The following NFASC variants were observed in gnomAD, a reference collection of about 807,000 sequenced individuals.
The protein encoded by NFASC is neurofascin homolog.
Under a neutral mutation model 147.5 loss-of-function variants are expected in NFASC, and 43 were observed. The observed-to-expected ratio is 0.29, with a 90% CI of 0.23 to 0.38. The LOEUF is 0.38. Among genes scored for constraint, NFASC ranks in the 10% least tolerant of loss-of-function variants. The pLI is 1.00. For missense variants in NFASC, 1,320 were observed against 1,689.0 expected (o/e 0.78, Z 3.83); for synonymous variants, 622 against 665.5 (o/e 0.93, Z 1.01).
At chr1:204,862,312 A>G (rs1440401462) in intron 1 of NFASC, among the ~76,000 whole-genome samples, 1 of 152,248 alleles carries the variant, frequency 6.6e-6, no homozygotes, top group South Asian at 2.1e-4. Flanking sequence ...TAGGCTTGAA[A>G]GCAGTTCCAA....
chr1:204,873,545 G>T (rs1389640933), intron 1 of NFASC, among the ~76,000 whole-genome samples: 1 of 152,200 alleles, frequency 6.6e-6, no homozygotes, highest in Non-Finnish European at 1.5e-5. Context: ...GCTTCTGCTG[G>T]GGCCTCTGTT....
chr1:204,866,328 G>A (rs2077104756), intron 1 of NFASC, among the ~76,000 whole-genome samples: 1 of 152,206 alleles, frequency 6.6e-6, no homozygotes, highest in South Asian at 2.1e-4. Context: ...AGGAAAAATG[G>A]TAACTGGATG....
intron 20 of NFASC, 68 bp downstream of exon 20, chr1:204,980,508 T>C (rs2150442852): frequency 8.5e-7 from 1 of 1,175,394 alleles, no homozygotes; most frequent in Non-Finnish European, 1.2e-6. Flanking sequence ...CCCTCTCCCT[T>C]GATGCCCCGA....
intron 2 of NFASC, among the ~76,000 whole-genome samples, chr1:204,943,938 T>G (rs537579193): frequency 6.6e-6 from 1 of 152,358 alleles, no homozygotes; most frequent in African/African-American, 2.4e-5. Flanking sequence ...ATTGCCAATG[T>G]CTGGAGACAT....
At position 205,002,236 on chromosome 1, in the gene NFASC, C is replaced by G. The variant is rs570115685; in HGVS notation, c.3137-360C>G. Reference sequence around the variant, plus strand: ...GGGATGCTAACTGGCTTTTGGCCCTCACCAGCCAGATCCATGTGAAAAGTT... The same window carrying G: ...GGGATGCTAACTGGCTTTTGGCCCTGACCAGCCAGATCCATGTGAAAAGTT... On this transcript the variant is annotated intron_variant, in intron 26 of 29. Transcript: ENST00000339876. 2.0e-5 allele frequency among the ~76,000 whole-genome samples: 3 copies of G among 152,324 alleles called. No homozygotes were observed. In the East Asian group the frequency reaches 5.8e-4, roughly 29 times the overall value.
chr1:204,842,905 C>T (rs1051272012), intron 1 of NFASC, among the ~76,000 whole-genome samples: 3 of 152,112 alleles, frequency 2.0e-5, no homozygotes, highest in Non-Finnish European at 2.9e-5. Flanking sequence ...GAGTTGTCTG[C>T]CATTGGTGTG....
intron 10 of NFASC, among the ~76,000 whole-genome samples, chr1:204,969,899 A>C (rs567001264): frequency 6.6e-6 from 1 of 151,618 alleles, no homozygotes; most frequent in African/African-American, 2.4e-5. Flanking sequence ...AAAATGATGA[A>C]ACCCCATCTC....
chr1:204,916,549 C>A (rs2089292732), intron 1 of NFASC, among the ~76,000 whole-genome samples: 1 of 152,078 alleles, frequency 6.6e-6, no homozygotes, highest in African/African-American at 2.4e-5. Context: ...CAAGTACTTT[C>A]CTCTGTGTTA....
At chr1:204,991,838 G>A (rs1275273299) in intron 24 of NFASC, among the ~76,000 whole-genome samples, 3 of 152,280 alleles carry the variant, frequency 2.0e-5, no homozygotes, top group Non-Finnish European at 4.4e-5. Flanking sequence ...GCTCTGCTCA[G>A]TGAGAACAAG....
At chr1:204,888,885 G>A (rs2081846485) in intron 1 of NFASC, among the ~76,000 whole-genome samples, 1 of 152,156 alleles carries the variant, frequency 6.6e-6, no homozygotes, top group South Asian at 2.1e-4. Context: ...ACCAACTCTA[G>A]GGAACCCTGT....
intron 20 of NFASC, 33 bp from the exon 21 acceptor site, chr1:204,981,765 C>T (rs1168085296): frequency 1.4e-6 from 2 of 1,417,444 alleles, no homozygotes; most frequent in Non-Finnish European, 1.9e-6. Context: ...CCCTCTCTGG[C>T]AGCCTCTCCA....
At chr1:204,977,278 G>A (rs977279178) in intron 16 of NFASC, 3 of 306,250 alleles carry the variant, frequency 9.8e-6, no homozygotes, top group Non-Finnish European at 1.6e-5. Flanking sequence ...TTCCTGTCCT[G>A]CACCCAGGCT....
rs183107666 is a variant in NFASC at position 204,954,028 on chromosome 1, C to T, written c.216-160C>T. 5.2e-4 allele frequency among the ~76,000 whole-genome samples: 79 copies of T among 152,188 alleles called. No individual in the cohort carries two copies. Among genetic ancestry groups the T allele is most frequent in the African/African-American group, 1.7e-3 (69 of 41,546 alleles). On this transcript the variant is annotated intron_variant, in intron 5 of 29. Transcript: ENST00000339876. The surrounding 1 kb of genome is among the most constrained non-coding windows in gnomAD (Gnocchi z 5.7). ...ATTTTATTGAGCTCTCCAGATGGTTCTTCTGCTCAGCCAGGCTGAGACCTG... is the reference window on the plus strand; with the variant it reads ...ATTTTATTGAGCTCTCCAGATGGTTTTTCTGCTCAGCCAGGCTGAGACCTG...
chr1:204,969,011 T>C, intron 10 of NFASC, 29 bp downstream of exon 10: 4 of 1,594,140 alleles, frequency 2.5e-6, no homozygotes, highest in Non-Finnish European at 3.4e-6. Flanking sequence ...TCATTATGAT[T>C]ATGTTGCCAA....
chr1:204,929,296 G>C (rs191109185), intron 2 of NFASC: 1 of 152,596 alleles, frequency 6.6e-6, no homozygotes, highest in African/African-American at 2.4e-5. Context: ...GGAGCCAAGC[G>C]TGAAACACAG....
intron 1 of NFASC, among the ~76,000 whole-genome samples, chr1:204,860,441 T>C (rs988105416): frequency 6.6e-6 from 1 of 152,202 alleles, no homozygotes; most frequent in East Asian, 1.9e-4. Flanking sequence ...GTCTGCCACC[T>C]GTGAGGGTCT....
intron 2 of NFASC, among the ~76,000 whole-genome samples, chr1:204,939,828 G>C (rs990514402): frequency 3.3e-5 from 5 of 152,246 alleles, no homozygotes; most frequent in African/African-American, 1.2e-4. Flanking sequence ...AAGCCTTGCT[G>C]ATGTAGGGGT....
rs139508955 is a variant in NFASC at position 204,986,301 on chromosome 1, G to T, written c.2471-1117G>T. Among the ~76,000 whole-genome samples the T allele has an allele frequency of 1.1e-3, 174 of 152,346 alleles. 2 individuals are homozygous for T. In the East Asian group the frequency reaches 0.03, roughly 26 times the overall value. On this transcript the variant is annotated intron_variant, in intron 21 of 29. Transcript: ENST00000339876. The surrounding 1 kb of genome is among the most constrained non-coding windows in gnomAD (Gnocchi z 4.2). ...CAGACCACCATCGCCAAGGTGACCT[G>T]CCCTGCGAGGAGGTTGTATCTCAAG... is the stretch of plus-strand genomic sequence containing the variant.
chr1:204,845,235 T>C (rs1219832820), intron 1 of NFASC, among the ~76,000 whole-genome samples: 1 of 151,102 alleles, frequency 6.6e-6, no homozygotes, highest in African/African-American at 2.4e-5. Flanking sequence ...TCCTGCTCTG[T>C]CAGTCAGGAA....
Sources: allele counts gnomAD v4.1 joint callset (sites outside exome capture counted in the v4.1 genomes callset), GRCh38; gene constraint gnomAD v4.1.1; non-coding constraint Gnocchi (gnomAD v3.1); transcripts MANE v1.5; gene names NCBI Gene and HGNC (gene_info 2026-07-23, HGNC 2026-07-21).